Variants in IGSF5 observed in about 807,000 individuals in gnomAD.
IGSF5 encodes immunoglobulin superfamily 5 like.
In IGSF5, 41 loss-of-function variants were observed where a neutral mutation model predicts 39.4. The observed-to-expected ratio is 1.04, with a 90% CI of 0.81 to 1.35. The LOEUF (loss-of-function observed/expected upper bound fraction) is 1.35. Ranked by LOEUF, IGSF5 falls within the 40% of genes most tolerant of loss-of-function variation. IGSF5 has a pLI of 0.00. For synonymous variants in IGSF5, 183 were observed against 175.3 expected, an observed-to-expected ratio of 1.04 and a Z score of -0.34; for missense variants, 487 against 494.6, an observed-to-expected ratio of 0.98 and a Z score of 0.15.
At chr21:39,726,377 T>C in the IGSF5 span, among the ~76,000 whole-genome samples, 1 of 152,172 alleles carries the variant, frequency 6.6e-6, no homozygotes, top group Non-Finnish European at 1.5e-5. Flanking sequence ...AAGGCTGGGA[T>C]AGTGGCATGT....
At chr21:39,762,012 C>T (rs1010499012) in intron 2 of IGSF5, among the ~76,000 whole-genome samples, 2 of 152,180 alleles carry the variant, frequency 1.3e-5, no homozygotes, top group South Asian at 2.1e-4. Context: ...GTTGTTTACT[C>T]GGAGATGCCT....
the IGSF5 span, among the ~76,000 whole-genome samples, chr21:39,726,463 C>A: frequency 1.3e-5 from 2 of 152,070 alleles, no homozygotes; most frequent in African/African-American, 2.4e-5. Context: ...CCTCTGGGTG[C>A]CGCATCCGGT....
chr21:39,755,403 G>A (rs1379230048), intron 2 of IGSF5, among the ~76,000 whole-genome samples: 1 of 151,888 alleles, frequency 6.6e-6, no homozygotes, highest in Non-Finnish European at 1.5e-5. Context: ...TGGCTAACAC[G>A]GTGAAACCCT....
intron 3 of IGSF5, among the ~76,000 whole-genome samples, chr21:39,769,265 C>T (rs1247806046): frequency 6.6e-6 from 1 of 152,022 alleles, no homozygotes; most frequent in African/African-American, 2.4e-5. Flanking sequence ...CACTTGAGCC[C>T]AGGAGTTTGA....
At chr21:39,800,785 AT>A (rs1467305468) in intron 8 of IGSF5, among the ~76,000 whole-genome samples, 2 of 152,232 alleles carry the variant, frequency 1.3e-5, no homozygotes, top group Non-Finnish European at 2.9e-5. Flanking sequence ...TTTGTTTGGG[AT>A]TACATTTCTG....
intron 8 of IGSF5, among the ~76,000 whole-genome samples, chr21:39,797,716 C>T (rs2146296995): frequency 6.6e-6 from 1 of 152,078 alleles, no homozygotes; most frequent in South Asian, 2.1e-4. Context: ...GAATGGGGGT[C>T]TCACTATTTG....
chr21:39,782,976 A>T (rs1389487233), intron 5 of IGSF5, among the ~76,000 whole-genome samples: 2 of 152,088 alleles, frequency 1.3e-5, no homozygotes, highest in Non-Finnish European at 2.9e-5. Context: ...GAGTGAGAAC[A>T]TGTGGTATTT....
chr21:39,741,743 AG>A (rs1277144624), upstream of IGSF5, among the ~76,000 whole-genome samples: 1 of 152,172 alleles, frequency 6.6e-6, no homozygotes, highest in Non-Finnish European at 1.5e-5. Flanking sequence ...ATTGAGAGTC[AG>A]GATGTACAGG....
chr21:39,797,065 A>G (rs2086999919), intron 8 of IGSF5, among the ~76,000 whole-genome samples: 1 of 152,170 alleles, frequency 6.6e-6, no homozygotes, highest in Non-Finnish European at 1.5e-5. Context: ...CTAATGGATG[A>G]CTGTTGACTA....
rs182363876 is a variant in IGSF5, at chr21:39,746,611, G to A, written c.100+313G>A. On this transcript the variant is annotated intron_variant, in intron 2 of 8. Coordinates refer to ENST00000380588, the MANE Select transcript of IGSF5 (RefSeq NM_001080444.2). ...AAACCCAATAATTCAACTCAGAAGG[G>A]TCTTCCAAAGAAGGTGGTCTCCCAG... is the stretch of plus-strand genomic sequence containing the variant. Among the ~76,000 whole-genome samples, 360 of 152,218 alleles carry A rather than the reference G, an allele frequency of 2.4e-3. 2 individuals carry two copies. The highest frequency in any genetic ancestry group is 0.014 in the Middle Eastern group (4 of 294).
Position 39,771,804 on chromosome 21 carries a change from C to T in IGSF5, c.718+589C>T, listed in dbSNP as rs183063508. On this transcript the variant is annotated intron_variant, in intron 4 of 8. Transcript: ENST00000380588. ...GTGTACCAGACACTCTAACCACATTCCTTGAAGGGGCCCATAGCGCCTGTG... is the reference window on the plus strand; with the variant it reads ...GTGTACCAGACACTCTAACCACATTTCTTGAAGGGGCCCATAGCGCCTGTG... Among the ~76,000 whole-genome samples the T allele has an allele frequency of 3.3e-3, 498 of 152,324 alleles. 2 individuals carry two copies. Among genetic ancestry groups the T allele is most frequent in the Admixed American group, 5.0e-3 (76 of 15,302 alleles).
At chr21:39,752,998 A>G (rs1217983347) in intron 2 of IGSF5, among the ~76,000 whole-genome samples, 1 of 152,036 alleles carries the variant, frequency 6.6e-6, no homozygotes, top group Non-Finnish European at 1.5e-5. Context: ...GAAGCTTTTT[A>G]GTTTAACTAG....
chr21:39,799,982 G>A (rs2087019939), intron 8 of IGSF5, among the ~76,000 whole-genome samples: 1 of 152,144 alleles, frequency 6.6e-6, no homozygotes, highest in Non-Finnish European at 1.5e-5. Flanking sequence ...GTTAGAATAT[G>A]TAGTACTGAC....
chr21:39,748,413 C>A (rs2079986989), intron 2 of IGSF5, among the ~76,000 whole-genome samples: 1 of 138,570 alleles, frequency 7.2e-6, no homozygotes, highest in Non-Finnish European at 1.5e-5. Context: ...TGGGTTCAAA[C>A]AATTCTCCTG....
chr21:39,762,808 G>A (rs994469774), intron 2 of IGSF5, among the ~76,000 whole-genome samples: 1 of 152,078 alleles, frequency 6.6e-6, no homozygotes, highest in Non-Finnish European at 1.5e-5. Context: ...TTTGTAGGGT[G>A]GACTCCCCAG....
At chr21:39,769,432 A>C (rs559425153) in intron 3 of IGSF5, among the ~76,000 whole-genome samples, 1 of 141,866 alleles carries the variant, frequency 7.0e-6, no homozygotes, top group Non-Finnish European at 1.5e-5. Flanking sequence ...GCACCATTGC[A>C]CTCCAGCCTG....
the IGSF5 span, chr21:39,729,159 C>T: frequency 6.6e-6 from 1 of 152,212 alleles, no homozygotes; most frequent in Non-Finnish European, 1.5e-5. Flanking sequence ...CAGTCCTGCT[C>T]CTCAGGGCCC....
At chr21:39,711,842 T>C in the IGSF5 span, among the ~76,000 whole-genome samples, 1 of 152,182 alleles carries the variant, frequency 6.6e-6, no homozygotes, top group East Asian at 1.9e-4. Context: ...CAGAAGCCTC[T>C]TTTTTAATGA....
chr21:39,775,576 A>T (rs1048319099), intron 4 of IGSF5, among the ~76,000 whole-genome samples: 2 of 152,170 alleles, frequency 1.3e-5, no homozygotes, highest in Non-Finnish European at 2.9e-5. Flanking sequence ...TTCTTCACAG[A>T]TGGGAAAAGG....
Sources: allele counts gnomAD v4.1 joint callset (sites outside exome capture counted in the v4.1 genomes callset), GRCh38; gene constraint gnomAD v4.1.1; transcripts MANE v1.5; gene names NCBI Gene and HGNC (gene_info 2026-07-23, HGNC 2026-07-21).